Variants in DCDC1 observed in about 807,000 individuals in gnomAD.
DCDC1 encodes the protein doublecortin domain-containing protein 1.
In DCDC1, 200 loss-of-function variants were observed where a neutral mutation model predicts 178.3. The ratio of observed to expected loss-of-function variants is 1.12; its 90% CI spans 1.00 to 1.26. The LOEUF (loss-of-function observed/expected upper bound fraction) is 1.26. Among genes scored for constraint, DCDC1 ranks in the 50% most tolerant of loss-of-function variants. The pLI is 0.00. For missense variants in DCDC1, 1,983 were observed against 1,749.2 expected (o/e 1.13, Z -2.38); for synonymous variants, 690 against 604.8 (o/e 1.14, Z -2.07).
At chr11:31,229,909 A>C (rs548483666) in intron 9 of DCDC1, among the ~76,000 whole-genome samples, 4 of 152,302 alleles carry the variant, frequency 2.6e-5, no homozygotes, top group Admixed American at 2.0e-4. Flanking sequence ...CATCATATTC[A>C]ACAGTAAAAG....
intron 12 of DCDC1, among the ~76,000 whole-genome samples, chr11:31,109,292 TA>T (rs1320234217): frequency 1.3e-5 from 2 of 151,990 alleles, no homozygotes; most frequent in Non-Finnish European, 2.9e-5. Context: ...TAATTTTTTT[TA>T]TTTTTTGTAG....
At chr11:30,871,570 C>A (rs1941561769) in intron 38 of DCDC1, among the ~76,000 whole-genome samples, 1 of 152,068 alleles carries the variant, frequency 6.6e-6, no homozygotes, top group African/African-American at 2.4e-5. Context: ...CTATCTATCT[C>A]CCTCTCTATC....
intron 20 of DCDC1, among the ~76,000 whole-genome samples, chr11:31,058,818 C>G (rs1323526134): frequency 2.6e-5 from 4 of 152,076 alleles, no homozygotes. Context: ...ATTTTGACAG[C>G]TTGCACTCTG....
chr11:31,107,415 A>G (rs1958923695), intron 12 of DCDC1, among the ~76,000 whole-genome samples: 1 of 152,200 alleles, frequency 6.6e-6, no homozygotes, highest in Non-Finnish European at 1.5e-5. Context: ...GACAACTGCC[A>G]AAATTAAAAT....
chr11:31,129,973 C>T (rs1189423635), intron 10 of DCDC1, among the ~76,000 whole-genome samples: 3 of 152,156 alleles, frequency 2.0e-5, no homozygotes, highest in Non-Finnish European at 2.9e-5. Context: ...CACACATACA[C>T]GCATCCCTTC....
At chr11:30,897,733 C>T (rs957953492) in intron 34 of DCDC1, among the ~76,000 whole-genome samples, 6 of 152,060 alleles carry the variant, frequency 3.9e-5, no homozygotes, top group African/African-American at 1.4e-4. Flanking sequence ...CTCCCTGGAG[C>T]GAATGGTTGC....
intron 8 of DCDC1, among the ~76,000 whole-genome samples, chr11:31,250,787 G>A (rs1943973242): frequency 6.7e-6 from 1 of 149,264 alleles, no homozygotes; most frequent in African/African-American, 2.5e-5. Flanking sequence ...ACGGAGTCTC[G>A]CTCTGTTGCC....
At chr11:30,945,591 G>A (rs1380156996) in intron 21 of DCDC1, among the ~76,000 whole-genome samples, 1 of 151,922 alleles carries the variant, frequency 6.6e-6, no homozygotes, top group East Asian at 2.0e-4. Context: ...TACTTAGGAG[G>A]CAGAGGCAGG....
chr11:30,977,250 G>A (rs948854002), intron 20 of DCDC1, among the ~76,000 whole-genome samples: 1 of 151,952 alleles, frequency 6.6e-6, no homozygotes, highest in Admixed American at 6.5e-5. Flanking sequence ...GAAGGAATAA[G>A]TTCTAATGTT....
At chr11:31,014,594 A>G (rs1231422639) in intron 20 of DCDC1, among the ~76,000 whole-genome samples, 1 of 152,194 alleles carries the variant, frequency 6.6e-6, no homozygotes, top group Admixed American at 6.5e-5. Flanking sequence ...TAATTTTTAT[A>G]TAGCAAGAAC....
intron 2 of DCDC1, among the ~76,000 whole-genome samples, chr11:31,334,216 T>C (rs1011871650): frequency 2.6e-5 from 4 of 152,216 alleles, no homozygotes; most frequent in Non-Finnish European, 4.4e-5. Flanking sequence ...TGTGCCATGG[T>C]TTTCAGCTCC....
chr11:31,348,468 T>C (rs1950916471), intron 1 of DCDC1, among the ~76,000 whole-genome samples: 1 of 152,184 alleles, frequency 6.6e-6, no homozygotes, highest in Admixed American at 6.5e-5. Flanking sequence ...TTAGGCCATA[T>C]TCCACTAAAC....
At chr11:31,331,814 A>C (rs545775963) in intron 2 of DCDC1, among the ~76,000 whole-genome samples, 1 of 149,898 alleles carries the variant, frequency 6.7e-6, no homozygotes, top group Non-Finnish European at 1.5e-5. Context: ...ATCAATGTTC[A>C]TCAGGGATAC....
intron 13 of DCDC1, 55 bp downstream of exon 13, chr11:31,106,742 A>C (rs1488575973): frequency 5.4e-6 from 4 of 738,886 alleles, no homozygotes; most frequent in Admixed American, 4.1e-5. Context: ...ATCCGCTTTC[A>C]AATTAGCTCT....
intron 1 of DCDC1, among the ~76,000 whole-genome samples, chr11:31,351,796 G>T (rs1951088933): frequency 6.6e-6 from 1 of 152,124 alleles, no homozygotes; most frequent in Admixed American, 6.5e-5. Context: ...TGATCCCAAA[G>T]AACCAGAAGT....
intron 7 of DCDC1, among the ~76,000 whole-genome samples, chr11:31,290,266 A>G (rs1398374909): frequency 6.6e-6 from 1 of 152,026 alleles, no homozygotes; most frequent in East Asian, 1.9e-4. Context: ...TCTTACCACT[A>G]TTCTAAATGA....
chr11:31,120,534 G>C (rs1419568000), intron 11 of DCDC1, among the ~76,000 whole-genome samples: 1 of 152,070 alleles, frequency 6.6e-6, no homozygotes, highest in Non-Finnish European at 1.5e-5. Flanking sequence ...TTCACTTTCA[G>C]ACCTAATTTC....
intron 1 of DCDC1, among the ~76,000 whole-genome samples, chr11:31,341,382 TATA>T (rs1950529807): frequency 7.4e-6 from 1 of 134,678 alleles, no homozygotes; most frequent in Non-Finnish European, 1.6e-5. Flanking sequence ...ATTCCAGTTT[TATA>T]GATAGATAGA....
intron 1 of DCDC1, among the ~76,000 whole-genome samples, chr11:31,339,560 T>C (rs540923016): frequency 2.0e-5 from 3 of 152,266 alleles, no homozygotes; most frequent in African/African-American, 7.2e-5. Flanking sequence ...TCTCCAATAA[T>C]ATTATAGTTA....
Sources: allele counts gnomAD v4.1 joint callset (sites outside exome capture counted in the v4.1 genomes callset), GRCh38; gene constraint gnomAD v4.1.1; transcripts MANE v1.5; gene names NCBI Gene and HGNC (gene_info 2026-07-23, HGNC 2026-07-21).